RBM28: variants seen among roughly 807,000 people sequenced by gnomAD.
The protein encoded by RBM28 is RNA binding motif protein 28, also known as RNA-binding protein 28.
Under a neutral mutation model 98.3 loss-of-function variants are expected in RBM28, and 78 were observed. The observed-to-expected ratio is 0.79, with a 90% confidence interval of 0.66 to 0.96. The LOEUF (loss-of-function observed/expected upper bound fraction) is 0.96, where lower values mean the gene tolerates loss of function less well. Among genes scored for constraint, RBM28 ranks in the 40% least tolerant of loss-of-function variants. The pLI is 0.00. For missense variants in RBM28, 838 were observed against 913.0 expected (o/e 0.92, Z 1.06); for synonymous variants, 306 against 330.9 (o/e 0.92, Z 0.82).
intron 17 of RBM28, among the ~76,000 whole-genome samples, chr7:128,314,129 A>T (rs914291410): frequency 1.3e-5 from 2 of 152,012 alleles, no homozygotes; most frequent in Non-Finnish European, 2.9e-5. Flanking sequence ...CACCCAGCTA[A>T]TTTTTTGTAT....
intron 10 of RBM28, 28 bp from the exon 11 acceptor site, chr7:128,325,919 A>T: frequency 6.4e-7 from 1 of 1,571,718 alleles, no homozygotes; most frequent in Non-Finnish European, 8.8e-7. Flanking sequence ...ATTCAGTGAG[A>T]TCCCAAACTC....
At chr7:128,339,155 G>T in intron 3 of RBM28, 72 bp downstream of exon 3, 1 of 1,289,678 alleles carries the variant, frequency 7.8e-7, no homozygotes, top group Non-Finnish European at 1.1e-6. Context: ...TTGGTGAGGA[G>T]TTCTACTAAT....
intron 18 of RBM28, 91 bp from the exon 19 acceptor site, chr7:128,311,022 G>T: frequency 7.6e-7 from 1 of 1,307,502 alleles, no homozygotes; most frequent in Admixed American, 1.8e-5. Flanking sequence ...GAAAGTAAGT[G>T]GGACAGAGAT....
chr7:128,323,021 G>A (rs1044446268), intron 13 of RBM28, among the ~76,000 whole-genome samples: 1 of 152,078 alleles, frequency 6.6e-6, no homozygotes, highest in Non-Finnish European at 1.5e-5. Flanking sequence ...AAAGGAATAT[G>A]AGTTATCGGT....
intron 5 of RBM28, 111 bp from the exon 6 acceptor site, chr7:128,337,313 T>A: frequency 1.9e-6 from 2 of 1,058,770 alleles, no homozygotes; most frequent in Non-Finnish European, 1.4e-6. Flanking sequence ...ACAAAGAAAC[T>A]GCCAATTCAG....
rs1243194269 is a variant in RBM28 at position 128,301,582 on chromosome 7, G to C, written c.*9215C>G. 1.3e-5 allele frequency: 2 copies of C among 152,340 alleles called. No individual in the cohort carries two copies. Among genetic ancestry groups the C allele is most frequent in the African/African-American group, 4.8e-5 (2 of 41,448 alleles). The allele number at this position is 152,340 out of a possible 1,614,324, so 9.4% of individuals were successfully genotyped here. Reference sequence around the variant, plus strand: ...TCTCTAGCCTTCCTAGAGTAGCTCAGATCAGTTCACACCCCTCTACCCACG... The same window carrying C: ...TCTCTAGCCTTCCTAGAGTAGCTCACATCAGTTCACACCCCTCTACCCACG... On this transcript the variant is annotated 3_prime_UTR_variant, in exon 19 of 19. Coordinates refer to ENST00000223073, the MANE Select transcript of RBM28 (RefSeq NM_018077.3).
intron 1 of RBM28, among the ~76,000 whole-genome samples, chr7:128,342,696 AT>A (rs1224574648): frequency 2.0e-5 from 3 of 151,960 alleles, no homozygotes; most frequent in Admixed American, 6.6e-5. Flanking sequence ...AAAAAAAAAA[AT>A]CTTACATGAT....
chr7:128,319,147 T>C (rs150429582), intron 14 of RBM28, among the ~76,000 whole-genome samples: 186 of 152,232 alleles, frequency 1.2e-3, no homozygotes, highest in African/African-American at 4.0e-3. Flanking sequence ...AACAGCTAAG[T>C]ATTGGGGATG....
intron 9 of RBM28, among the ~76,000 whole-genome samples, chr7:128,332,258 G>C (rs1796495784): frequency 6.6e-6 from 1 of 152,150 alleles, no homozygotes. Flanking sequence ...ATGTAGTGTA[G>C]ATGTTCTCTG....
chr7:128,329,627 T>C (rs1044699725), intron 10 of RBM28, among the ~76,000 whole-genome samples: 3 of 152,066 alleles, frequency 2.0e-5, no homozygotes, highest in Non-Finnish European at 4.4e-5. Context: ...CGGGCGCGCC[T>C]GTAATCCCAG....
chr7:128,339,795 G>T lies in RBM28; in HGVS notation c.119-4C>A. 6.2e-7 allele frequency: 1 copy of T among 1,613,688 alleles called. No individual in the cohort carries two copies. Among genetic ancestry groups the T allele is most frequent in the Non-Finnish European group, 8.5e-7 (1 of 1,179,660 alleles). On this transcript the variant is annotated splice_region_variant and splice_polypyrimidine_tract_variant and intron_variant, in intron 1 of 18. Transcript: ENST00000223073. ...AAGCCTCGACATGCCTTACTCCCTG[G>T]AATAATGGAGTGGGGAGGGAGTGGA...
chr7:128,320,132 G>C (rs539506774), intron 14 of RBM28, among the ~76,000 whole-genome samples: 6 of 149,180 alleles, frequency 4.0e-5, no homozygotes, highest in African/African-American at 1.5e-4. Flanking sequence ...CAAGAGAATC[G>C]CTTGAACCCG....
intron 10 of RBM28, among the ~76,000 whole-genome samples, chr7:128,326,635 C>A (rs1376257592): frequency 6.6e-6 from 1 of 152,124 alleles, no homozygotes; most frequent in Non-Finnish European, 1.5e-5. Context: ...CTATGACATT[C>A]ACACAATGAC....
intron 10 of RBM28, among the ~76,000 whole-genome samples, chr7:128,330,383 T>C (rs1796452554): frequency 6.8e-6 from 1 of 147,122 alleles, no homozygotes; most frequent in South Asian, 2.2e-4. Context: ...TTTTTTTTTT[T>C]TTTTTTTTTT....
chr7:128,339,801 TG>T lies in RBM28; in HGVS notation c.119-11del. 1 of 1,613,340 alleles carries T rather than the reference TG, an allele frequency of 6.2e-7. No homozygotes were observed. Among genetic ancestry groups the T allele is most frequent in the Non-Finnish European group, 8.5e-7 (1 of 1,179,452 alleles). On this transcript the variant is annotated splice_polypyrimidine_tract_variant and intron_variant, in intron 1 of 18. Coordinates refer to ENST00000223073, the MANE Select transcript of RBM28 (RefSeq NM_018077.3). ...CGACATGCCTTACTCCCTGGAATAA[TG>T]GAGTGGGGAGGGAGTGGAGGGGCAG...
At position 128,324,513 on chromosome 7, in the gene RBM28, C is replaced by T. The variant is rs776633345; in HGVS notation, c.1339+46G>A. 3.7e-6 allele frequency: 6 copies of T among 1,613,332 alleles called. No individual in the cohort carries two copies. The African/African-American group carries it at 8.0e-5, about 22-fold the overall frequency. On this transcript the variant is annotated intron_variant, in intron 12 of 18. Coordinates refer to ENST00000223073, the MANE Select transcript of RBM28 (RefSeq NM_018077.3). The stretch of plus-strand genomic sequence containing the variant: ...ACTATTGCTTGATCAATGATTATGG[C>T]ACAGGGCCAGGTACTTAGAAGTGTG...
chr7:128,340,249 A>C (rs1796695378), intron 1 of RBM28, among the ~76,000 whole-genome samples: 1 of 152,212 alleles, frequency 6.6e-6, no homozygotes, highest in Non-Finnish European at 1.5e-5. Context: ...TGGAGTCTTT[A>C]AGAGGTGACT....
At position 128,308,770 on chromosome 7, in the gene RBM28, G is replaced by A. The variant is rs2116311733; in HGVS notation, c.*2027C>T. ...TGAGGTGGGCAGATCACAAGGTCAG[G>A]AGTTTGAGATCAGCCTGGCCAACAT... On this transcript the variant is annotated 3_prime_UTR_variant, in exon 19 of 19. Transcript: ENST00000223073. The A allele has an allele frequency of 6.6e-6, 1 of 152,238 alleles. No homozygotes were observed. The highest frequency in any genetic ancestry group is 1.9e-4 in the East Asian group (1 of 5,176). The allele number at this position is 152,238 out of a possible 1,614,324, so 9.4% of individuals were successfully genotyped here.
intron 9 of RBM28, among the ~76,000 whole-genome samples, chr7:128,331,395 C>T (rs1796478194): frequency 6.6e-6 from 1 of 151,808 alleles, no homozygotes; most frequent in Admixed American, 6.6e-5. Flanking sequence ...CCTAGGGCCC[C>T]AGAACTGCCC....
Sources: gnomAD v4.1 joint callset for allele counts (sites outside exome capture counted in the v4.1 genomes callset) on GRCh38, gnomAD v4.1.1 for gene constraint, MANE v1.5 for transcripts, NCBI Gene and HGNC (gene_info 2026-07-23, HGNC 2026-07-21) for gene names.